The following SLIT2 variants were observed in gnomAD, a reference collection of about 807,000 sequenced individuals.
SLIT2 encodes the protein slit homolog 2 protein.
Under a neutral mutation model 185.7 loss-of-function variants are expected in SLIT2, and 41 were observed. The ratio of observed to expected loss-of-function variants is 0.22; its 90% CI spans 0.17 to 0.29. The LOEUF is 0.29. SLIT2 is among the 10% of genes least tolerant of loss of function. SLIT2 has a pLI of 1.00. For missense variants in SLIT2, 1,571 were observed against 1,909.0 expected, an observed-to-expected ratio of 0.82 and a Z score of 3.30; for synonymous variants, 693 against 680.2, an observed-to-expected ratio of 1.02 and a Z score of -0.29.
chr4:20,358,984 A>G (rs1002057410), intron 4 of SLIT2, among the ~76,000 whole-genome samples: 2 of 152,144 alleles, frequency 1.3e-5, no homozygotes, highest in South Asian at 2.1e-4. Flanking sequence ...ATTGATATAT[A>G]TAATGGTATT....
intron 4 of SLIT2, among the ~76,000 whole-genome samples, chr4:20,291,603 C>T (rs78173246): frequency 0.038 from 5,584 of 146,308 alleles, 255 homozygotes; most frequent in East Asian, 0.13. Context: ...GTTCTATTCA[C>T]ATTTTCTCTC....
At chr4:20,458,945 G>A (rs1159925913) in intron 4 of SLIT2, among the ~76,000 whole-genome samples, 4 of 152,110 alleles carry the variant, frequency 2.6e-5, no homozygotes, top group Non-Finnish European at 5.9e-5. Flanking sequence ...GTTGTAAATT[G>A]CATACTTTTT....
At chr4:20,566,613 T>C (rs1387985510) in intron 26 of SLIT2, among the ~76,000 whole-genome samples, 1 of 151,990 alleles carries the variant, frequency 6.6e-6, no homozygotes, top group Non-Finnish European at 1.5e-5. Flanking sequence ...GAGAGGAAGA[T>C]ACAGAAACAT....
Position 20,528,960 on chromosome 4 carries a change from T to G in SLIT2, c.1474T>G (p.Tyr492Asp). The part of the protein sequence containing the change: ...EQYFIPGTED[Y>D]RSKLSGDCFA... The stretch of plus-strand genomic sequence containing the variant: ...TGAATTCTCAATAGGTACAGAAGAT[T>G]ATCGATCAAAATTAAGTGGAGACTG... The change falls in exon 16 of 37, where the codon TAT (tyrosine) becomes GAT (aspartate). Residue 492 changes from tyrosine to aspartate, a missense_variant. This residue lies in a region of SLIT2 where 1,202 missense variants were observed against 1,416.4 expected (regional missense o/e 0.85). Transcript: ENST00000504154. The surrounding 1 kb of genome is among the most constrained non-coding windows in gnomAD (Gnocchi z 4.2). 1 of 1,613,794 alleles carries G rather than the reference T, an allele frequency of 6.2e-7. No individual in the cohort carries two copies. Among genetic ancestry groups the G allele is most frequent in the South Asian group, 1.1e-5 (1 of 91,064 alleles).
chr4:20,491,370 T>C (rs916808036), intron 8 of SLIT2, among the ~76,000 whole-genome samples: 1 of 152,156 alleles, frequency 6.6e-6, no homozygotes, highest in Non-Finnish European at 1.5e-5. Flanking sequence ...TAAATAAAGC[T>C]GCATGAATTT....
intron 4 of SLIT2, among the ~76,000 whole-genome samples, chr4:20,346,805 A>G (rs968832099): frequency 1.3e-5 from 2 of 152,150 alleles, no homozygotes; most frequent in African/African-American, 4.8e-5. Flanking sequence ...TTGGAGTCTG[A>G]TATTCGAGGG....
chr4:20,360,307 T>A (rs1722639933), intron 4 of SLIT2, among the ~76,000 whole-genome samples: 1 of 152,140 alleles, frequency 6.6e-6, no homozygotes, highest in African/African-American at 2.4e-5. Context: ...GTTTTAGAAG[T>A]CTCTGAAAGT....
chr4:20,356,486 T>C (rs916992782), intron 4 of SLIT2, among the ~76,000 whole-genome samples: 2 of 152,140 alleles, frequency 1.3e-5, no homozygotes, highest in Non-Finnish European at 2.9e-5. Context: ...TAATGTGGAT[T>C]GACAACTAAG....
At chr4:20,377,885 A>G (rs1265447041) in intron 4 of SLIT2, among the ~76,000 whole-genome samples, 1 of 152,206 alleles carries the variant, frequency 6.6e-6, no homozygotes, top group African/African-American at 2.4e-5. Context: ...ATTTATATGC[A>G]TAGTTTGTAC....
intron 29 of SLIT2, 56 bp downstream of exon 29, chr4:20,569,060 A>G (rs532746440): frequency 2.0e-5 from 28 of 1,403,322 alleles, no homozygotes; most frequent in African/African-American, 1.1e-4. Context: ...TGAAAGCATC[A>G]TTGGAACTAT....
At chr4:20,305,639 G>A (rs964401856) in intron 4 of SLIT2, among the ~76,000 whole-genome samples, 4 of 151,914 alleles carry the variant, frequency 2.6e-5, no homozygotes, top group Admixed American at 6.6e-5. Context: ...TTGGGAGGCC[G>A]AGGTGGGCAG....
At chr4:20,428,455 T>G (rs1422989582) in intron 4 of SLIT2, among the ~76,000 whole-genome samples, 1 of 152,208 alleles carries the variant, frequency 6.6e-6, no homozygotes, top group South Asian at 2.1e-4. Context: ...TGAGGTTTTT[T>G]GTTATTGTGA....
chr4:20,462,111 G>A (rs967685801), intron 4 of SLIT2, among the ~76,000 whole-genome samples: 1 of 152,018 alleles, frequency 6.6e-6, no homozygotes, highest in African/African-American at 2.4e-5. Context: ...TGGGAGGCCT[G>A]TATCTTTCCA....
chr4:20,435,355 A>G (rs1188150549), intron 4 of SLIT2, among the ~76,000 whole-genome samples: 2 of 152,230 alleles, frequency 1.3e-5, no homozygotes, highest in Non-Finnish European at 1.5e-5. Context: ...AAAATTAAAA[A>G]CATATGGTCT....
chr4:20,268,788 T>C, intron 3 of SLIT2, 22 bp from the exon 4 acceptor site: 1 of 1,556,232 alleles, frequency 6.4e-7, no homozygotes, highest in Non-Finnish European at 8.9e-7. Context: ...TAACATAAGC[T>C]TTGTTTTTGT....
chr4:20,257,168 A>G (rs911245134), intron 2 of SLIT2, among the ~76,000 whole-genome samples: 1 of 152,176 alleles, frequency 6.6e-6, no homozygotes, highest in Admixed American at 6.5e-5. Flanking sequence ...AATATCAAGC[A>G]TTAAAATCAA....
chr4:20,585,033 T>C (rs1425716045), intron 29 of SLIT2, among the ~76,000 whole-genome samples: 1 of 151,972 alleles, frequency 6.6e-6, no homozygotes, highest in Non-Finnish European at 1.5e-5. Flanking sequence ...CCAGCCTGAC[T>C]GACAGAGCAA....
At chr4:20,577,823 G>A (rs1726204856) in intron 29 of SLIT2, among the ~76,000 whole-genome samples, 4 of 152,228 alleles carry the variant, frequency 2.6e-5, no homozygotes, top group East Asian at 1.9e-4. Context: ...GAATTGGATC[G>A]AATTTATAAA....
At chr4:20,434,787 G>C (rs1269704788) in intron 4 of SLIT2, among the ~76,000 whole-genome samples, 2 of 152,192 alleles carry the variant, frequency 1.3e-5, no homozygotes, top group Non-Finnish European at 2.9e-5. Context: ...TAATATGGTA[G>C]CCCAGGGGAA....
Sources: gnomAD v4.1 joint callset for allele counts (sites outside exome capture counted in the v4.1 genomes callset) on GRCh38, gnomAD v4.1.1 for gene constraint, gnomAD v4.1.1 regional missense constraint, Gnocchi (gnomAD v3.1) non-coding constraint, MANE v1.5 for transcripts, NCBI Gene and HGNC (gene_info 2026-07-23, HGNC 2026-07-21) for gene names.